The following SH3PXD2B variants were observed in gnomAD, a reference collection of about 807,000 sequenced individuals.
SH3PXD2B encodes SH3 and PX domains 2B.
A neutral mutation model predicts 73.1 loss-of-function variants in SH3PXD2B; 37 were observed. The observed-to-expected ratio is 0.51, with a 90% CI of 0.39 to 0.67. The LOEUF (loss-of-function observed/expected upper bound fraction) is 0.67. Ranked by LOEUF, SH3PXD2B falls within the 30% of genes least tolerant of loss-of-function variation. The pLI is 0.00. For missense variants in SH3PXD2B, 1,053 were observed against 1,197.8 expected (o/e 0.88, Z 1.78); for synonymous variants, 457 against 480.5 (o/e 0.95, Z 0.64).
At chr5:172,376,838 T>C (rs1757832814) in intron 5 of SH3PXD2B, among the ~76,000 whole-genome samples, 1 of 152,190 alleles carries the variant, frequency 6.6e-6, no homozygotes, top group African/African-American at 2.4e-5. Flanking sequence ...CAGATGAAGA[T>C]ACTGACGCCC....
At chr5:172,348,737 C>T (rs1275222289) in intron 10 of SH3PXD2B, among the ~76,000 whole-genome samples, 1 of 151,028 alleles carries the variant, frequency 6.6e-6, no homozygotes, top group Non-Finnish European at 1.5e-5. Context: ...GACAGGGTCT[C>T]GCTCTATTGC....
intron 3 of SH3PXD2B, among the ~76,000 whole-genome samples, chr5:172,401,313 T>C (rs996987338): frequency 4.6e-5 from 7 of 152,198 alleles, no homozygotes; most frequent in African/African-American, 7.2e-5. Context: ...TAATTTATCA[T>C]TGGACATAAC....
At chr5:172,400,404 C>A (rs557674074) in intron 3 of SH3PXD2B, among the ~76,000 whole-genome samples, 1 of 152,152 alleles carries the variant, frequency 6.6e-6, no homozygotes, top group African/African-American at 2.4e-5. Flanking sequence ...TATTTCTTAT[C>A]GGGAGAACGA....
chr5:172,376,977 C>T (rs186140480), intron 5 of SH3PXD2B, among the ~76,000 whole-genome samples: 3 of 152,288 alleles, frequency 2.0e-5, no homozygotes, highest in East Asian at 1.9e-4. Context: ...GACACACTAA[C>T]GAAGGTTCCA....
At chr5:172,379,713 A>G (rs1015023109) in intron 5 of SH3PXD2B, among the ~76,000 whole-genome samples, 5 of 152,238 alleles carry the variant, frequency 3.3e-5, no homozygotes, top group African/African-American at 4.8e-5. Flanking sequence ...TCCCTGTGGC[A>G]GTCACTCAGT....
Position 172,339,051 on chromosome 5 carries a change from C to A in SH3PXD2B, c.2054G>T (p.Gly685Val). ...SQDKSLLDGE[G>V]PQAVGGQDVA... Reference sequence around the variant, plus strand: ...GTCTTGGCCCCCTACTGCCTGGGGGCCCTCCCCATCCAACAAGGACTTGTC... The same window carrying A: ...GTCTTGGCCCCCTACTGCCTGGGGGACCTCCCCATCCAACAAGGACTTGTC... Residue 685 changes from glycine to valine, a missense_variant, in exon 13 of 13, where the codon GGC becomes GTC. By Grantham distance (109) the Gly-to-Val change is moderately radical. Transcript: ENST00000311601. The surrounding 1 kb of genome is among the most constrained non-coding windows in gnomAD (Gnocchi z 6.1). 1.2e-6 allele frequency: 2 copies of A among 1,614,204 alleles called. No homozygotes were observed. The highest frequency in any genetic ancestry group is 1.7e-6 in the Non-Finnish European group (2 of 1,180,006).
At chr5:172,369,307 A>AATT (rs1219527006) in intron 6 of SH3PXD2B, among the ~76,000 whole-genome samples, 2 of 151,554 alleles carry the variant, frequency 1.3e-5, no homozygotes, top group East Asian at 3.9e-4. Context: ...AATGAGAAAG[A>AATT]ATTATTATTA....
chr5:172,432,682 C>A (rs531985006), intron 1 of SH3PXD2B, among the ~76,000 whole-genome samples: 139 of 152,098 alleles, frequency 9.1e-4, no homozygotes, highest in Non-Finnish European at 1.7e-3. Context: ...TTTGGCAGGC[C>A]GAGGCAGATG....
intron 7 of SH3PXD2B, among the ~76,000 whole-genome samples, chr5:172,360,056 G>C (rs1035734770): frequency 6.6e-6 from 1 of 152,190 alleles, no homozygotes; most frequent in Non-Finnish European, 1.5e-5. Context: ...TCGATCCCTT[G>C]ATTTTAGGCC....
chr5:172,359,668 A>C (rs1195002329), intron 7 of SH3PXD2B, among the ~76,000 whole-genome samples: 2 of 152,166 alleles, frequency 1.3e-5, no homozygotes, highest in African/African-American at 2.4e-5. Flanking sequence ...CCCAATGAGA[A>C]AGGCCTGCAT....
intron 2 of SH3PXD2B, among the ~76,000 whole-genome samples, chr5:172,416,696 C>CTTTTTTTTTT (rs202242720): frequency 1.6e-5 from 1 of 62,250 alleles, no homozygotes; most frequent in African/African-American, 5.9e-5. Context: ...CTCTCTCTCT[C>CTTTTTTTTTT]TTTTTTTTTT....
chr5:172,348,663 C>G (rs758089106), intron 10 of SH3PXD2B, among the ~76,000 whole-genome samples: 3,764 of 28,846 alleles, frequency 0.13, 188 homozygotes, highest in African/African-American at 0.29. Flanking sequence ...TCCTATCTAT[C>G]TATCTATCTA....
intron 2 of SH3PXD2B, among the ~76,000 whole-genome samples, chr5:172,412,926 A>G (rs182822732): frequency 6.6e-6 from 1 of 152,250 alleles, no homozygotes; most frequent in Non-Finnish European, 1.5e-5. Flanking sequence ...TCAAGTTGCC[A>G]CATCACAGGC....
At chr5:172,361,757 G>C (rs1310243855) in intron 7 of SH3PXD2B, among the ~76,000 whole-genome samples, 1 of 152,214 alleles carries the variant, frequency 6.6e-6, no homozygotes, top group Non-Finnish European at 1.5e-5. Context: ...GTGAAGCAGG[G>C]ATGGCAACTC....
Position 172,350,541 on chromosome 5 carries a change from GTTC to G in SH3PXD2B, c.831_833del (p.Lys277del), listed in dbSNP as rs749027616. ...GCTTCGGGGGCAAGGGCTCCCCACT[GTTC>G]TTCTTTAGGTAGGAGGCGGGGGCCC... On this transcript the variant is annotated inframe_deletion, in exon 10 of 13. Transcript: ENST00000311601. 5.7e-5 allele frequency: 92 copies of G among 1,613,838 alleles called. No homozygotes were observed. Among genetic ancestry groups the G allele is most frequent in the Non-Finnish European group, 7.2e-5 (85 of 1,179,904 alleles).
chr5:172,439,886 C>T (rs1197864091), intron 1 of SH3PXD2B, among the ~76,000 whole-genome samples: 1 of 152,182 alleles, frequency 6.6e-6, no homozygotes, highest in Non-Finnish European at 1.5e-5. Context: ...TCCAGGCGTG[C>T]AGCTCCAGCC....
At position 172,396,825 on chromosome 5, in the gene SH3PXD2B, C is replaced by A. The variant is rs527759079; in HGVS notation, c.233-2186G>T. On this transcript the variant is annotated intron_variant, in intron 3 of 12. Transcript: ENST00000311601. ...AGCTGGTGGCACATGCCTGTAATCCCAGCTACTCAGGAGACTGAGGCAGGA... is the reference window on the plus strand; with the variant it reads ...AGCTGGTGGCACATGCCTGTAATCCAAGCTACTCAGGAGACTGAGGCAGGA... Among the ~76,000 whole-genome samples the A allele has an allele frequency of 2.0e-5, 3 of 152,182 alleles. No homozygotes were observed. In the East Asian group the frequency reaches 5.8e-4, roughly 29 times the overall value.
chr5:172,348,650 CTATCCTATCTAT>C (rs1449020466), intron 10 of SH3PXD2B, among the ~76,000 whole-genome samples: 4,812 of 77,214 alleles, frequency 0.062, 117 homozygotes, highest in Middle Eastern at 0.11. Flanking sequence ...ATCTATCTAT[CTATCCTATCTAT>C]CTATCTATCT....
intron 2 of SH3PXD2B, among the ~76,000 whole-genome samples, chr5:172,408,794 G>A (rs757556016): frequency 1.3e-5 from 2 of 151,716 alleles, no homozygotes; most frequent in Non-Finnish European, 2.9e-5. Flanking sequence ...AAACTGCTGG[G>A]ATTACAGACA....
Sources: allele counts gnomAD v4.1 joint callset (sites outside exome capture counted in the v4.1 genomes callset), GRCh38; gene constraint gnomAD v4.1.1; non-coding constraint Gnocchi (gnomAD v3.1); transcripts MANE v1.5; gene names NCBI Gene and HGNC (gene_info 2026-07-23, HGNC 2026-07-21).